The following BMERB1 variants were observed in gnomAD, a reference collection of about 807,000 sequenced individuals.
The protein encoded by BMERB1 is bMERB domain-containing protein 1.
Under a neutral mutation model 23.6 loss-of-function variants are expected in BMERB1, and 12 were observed. The ratio of observed to expected loss-of-function variants is 0.51; its 90% CI spans 0.33 to 0.82. BMERB1 has a LOEUF of 0.82. Ranked by LOEUF, BMERB1 falls within the 40% of genes least tolerant of loss-of-function variation. The pLI, the probability that BMERB1 is intolerant of heterozygous loss-of-function variation, is 0.03. For synonymous variants in BMERB1, 122 were observed against 96.6 expected, an observed-to-expected ratio of 1.26 and a Z score of -1.54; for missense variants, 247 against 255.4, an observed-to-expected ratio of 0.97 and a Z score of 0.22.
chr16:15,528,762 T>G (rs930089645), intron 2 of BMERB1, among the ~76,000 whole-genome samples: 4 of 152,042 alleles, frequency 2.6e-5, no homozygotes, highest in African/African-American at 9.7e-5. Context: ...TAAATACATA[T>G]GTCGACATCT....
At chr16:15,507,571 CTTG>C (rs2051607293) in intron 1 of BMERB1, among the ~76,000 whole-genome samples, 5 of 152,144 alleles carry the variant, frequency 3.3e-5, no homozygotes, top group East Asian at 1.9e-4. Context: ...GCGTGAGAGA[CTTG>C]TTGTCTCTAG....
chr16:15,573,762 A>T (rs911105876), intron 3 of BMERB1, among the ~76,000 whole-genome samples: 5 of 152,126 alleles, frequency 3.3e-5, no homozygotes, highest in Non-Finnish European at 7.4e-5. Context: ...CACTGCTGTC[A>T]AGAACTGCCC....
chr16:15,503,447 A>ATTTT (rs35592502), intron 1 of BMERB1, among the ~76,000 whole-genome samples: 3 of 133,288 alleles, frequency 2.3e-5, no homozygotes, highest in Non-Finnish European at 1.6e-5. Context: ...ACGCCCGGCT[A>ATTTT]TTTTTTTTTT....
chr16:15,583,925 C>T (rs2031077964), intron 5 of BMERB1: 2 of 684,548 alleles, frequency 2.9e-6, no homozygotes, highest in Non-Finnish European at 5.3e-6. Flanking sequence ...GGTAGTTGTT[C>T]CTCCCTAATT....
chr16:15,492,851 G>A (rs1567467590), intron 1 of BMERB1, among the ~76,000 whole-genome samples: 1 of 151,658 alleles, frequency 6.6e-6, no homozygotes, highest in South Asian at 2.1e-4. Context: ...CCCAGGAGGC[G>A]GAGGTTGCAG....
chr16:15,563,482 G>T (rs2030483132), intron 2 of BMERB1, among the ~76,000 whole-genome samples: 2 of 152,002 alleles, frequency 1.3e-5, no homozygotes, highest in Non-Finnish European at 2.9e-5. Context: ...GCCTCCCAAA[G>T]TGCTGGGATT....
At position 15,475,363 on chromosome 16, in the gene BMERB1, G is replaced by A. The variant is rs117752714; in HGVS notation, c.107-39942G>A. 9.7e-3 allele frequency among the ~76,000 whole-genome samples: 1,475 copies of A among 152,258 alleles called. 21 individuals are homozygous for A. The highest frequency in any genetic ancestry group is 0.01 in the Non-Finnish European group (714 of 68,020). On this transcript the variant is annotated intron_variant, in intron 1 of 5. Coordinates refer to ENST00000300006, the MANE Select transcript of BMERB1 (RefSeq NM_033201.3). ...CACTCTCACTTCTGACACCAGCTGC[G>A]AGTTTGGGGGTCCCCAAAACTGTCC...
chr16:15,547,195 A>T (rs1488038239), intron 2 of BMERB1, among the ~76,000 whole-genome samples: 1 of 151,190 alleles, frequency 6.6e-6, no homozygotes, highest in Non-Finnish European at 1.5e-5. Context: ...TATTTTTTGT[A>T]GAGACATGAT....
intron 1 of BMERB1, among the ~76,000 whole-genome samples, chr16:15,446,044 T>C (rs6498552): frequency 6.6e-6 from 1 of 151,576 alleles, no homozygotes; most frequent in Non-Finnish European, 1.5e-5. Flanking sequence ...TTTTAAAAAC[T>C]TAAACTATTG....
chr16:15,515,514 C>T (rs1481878579), intron 2 of BMERB1, 86 bp downstream of exon 2: 2 of 1,500,360 alleles, frequency 1.3e-6, no homozygotes, highest in South Asian at 2.6e-5. Context: ...TACTGTGTGC[C>T]AGGCACTGAG....
chr16:15,446,342 C>T (rs757207420), intron 1 of BMERB1, among the ~76,000 whole-genome samples: 28 of 152,180 alleles, frequency 1.8e-4, no homozygotes, highest in African/African-American at 4.1e-4. Context: ...CTGCAGTGAG[C>T]TATGACTGCA....
chr16:15,521,362 C>T lies in BMERB1; in HGVS notation c.230+5934C>T, dbSNP rs186154585. On this transcript the variant is annotated intron_variant, in intron 2 of 5. Coordinates refer to ENST00000300006, the MANE Select transcript of BMERB1 (RefSeq NM_033201.3). The stretch of plus-strand genomic sequence containing the variant: ...GGGAATGTGCTGTAGAAAAAGAACC[C>T]GGTTCCCGTAATAACTCTTAAGGCC... Among the ~76,000 whole-genome samples the T allele has an allele frequency of 5.3e-5, 8 of 152,300 alleles. No individual in the cohort carries two copies. In the East Asian group the frequency reaches 1.3e-3, roughly 26 times the overall value.
chr16:15,466,663 T>C (rs2150929981), intron 1 of BMERB1, among the ~76,000 whole-genome samples: 1 of 152,262 alleles, frequency 6.6e-6, no homozygotes, highest in Non-Finnish European at 1.5e-5. Flanking sequence ...AGACAGGAAA[T>C]TGACATTGAT....
At chr16:15,489,002 T>A (rs2051393015) in intron 1 of BMERB1, among the ~76,000 whole-genome samples, 1 of 152,038 alleles carries the variant, frequency 6.6e-6, no homozygotes, top group Non-Finnish European at 1.5e-5. Flanking sequence ...ATCCCTCAGC[T>A]TTTATCCCCT....
chr16:15,441,867 A>G (rs969814463), intron 1 of BMERB1, among the ~76,000 whole-genome samples: 2 of 152,142 alleles, frequency 1.3e-5, no homozygotes, highest in Non-Finnish European at 1.5e-5. Context: ...GATGGGGAAT[A>G]AGTCCATAGC....
intron 2 of BMERB1, among the ~76,000 whole-genome samples, chr16:15,530,759 T>C (rs2051958831): frequency 6.6e-6 from 1 of 152,184 alleles, no homozygotes; most frequent in Admixed American, 6.5e-5. Context: ...CTGATGGTTT[T>C]ATAAGCATCT....
intron 1 of BMERB1, among the ~76,000 whole-genome samples, chr16:15,439,960 A>T (rs145250773): frequency 1.6e-3 from 250 of 152,042 alleles, no homozygotes; most frequent in Non-Finnish European, 3.1e-3. Flanking sequence ...AATAGCATCA[A>T]CTGGCTGGGT....
At chr16:15,486,408 C>T (rs1186693368) in intron 1 of BMERB1, among the ~76,000 whole-genome samples, 2 of 152,122 alleles carry the variant, frequency 1.3e-5, no homozygotes, top group East Asian at 1.9e-4. Flanking sequence ...GGAGGTCCCT[C>T]CCACCACCTC....
At chr16:15,525,171 C>A (rs1347537744) in intron 2 of BMERB1, among the ~76,000 whole-genome samples, 1 of 152,192 alleles carries the variant, frequency 6.6e-6, no homozygotes, top group Admixed American at 6.5e-5. Context: ...AGTTGAAGGC[C>A]TGACTACAAC....
Sources: allele counts gnomAD v4.1 joint callset (sites outside exome capture counted in the v4.1 genomes callset), GRCh38; gene constraint gnomAD v4.1.1; transcripts MANE v1.5; gene names NCBI Gene and HGNC (gene_info 2026-07-23, HGNC 2026-07-21).